Variants in EIF2AK3 observed in about 807,000 individuals in gnomAD.
The protein encoded by EIF2AK3 is eukaryotic translation initiation factor 2 alpha kinase 3, also known as eukaryotic translation initiation factor 2-alpha kinase 3.
In EIF2AK3, 50 loss-of-function variants were observed where a neutral mutation model predicts 113.5. That is an observed-to-expected ratio of 0.44 (90% CI 0.35 to 0.56). The LOEUF is 0.56. Ranked by LOEUF, EIF2AK3 falls within the 20% of genes least tolerant of loss-of-function variation. EIF2AK3 has a pLI of 0.00. For synonymous variants in EIF2AK3, 448 were observed against 495.4 expected, an observed-to-expected ratio of 0.90 and a Z score of 1.27; for missense variants, 1,185 against 1,378.0, an observed-to-expected ratio of 0.86 and a Z score of 2.22.
At chr2:88,594,998 A>T (rs577084791) in intron 3 of EIF2AK3, among the ~76,000 whole-genome samples, 1 of 152,048 alleles carries the variant, frequency 6.6e-6, no homozygotes, top group East Asian at 1.9e-4. Context: ...GCTGGAGACC[A>T]GCCTGGCAAT....
intron 3 of EIF2AK3, among the ~76,000 whole-genome samples, chr2:88,594,640 T>C (rs1035823757): frequency 3.9e-5 from 6 of 152,138 alleles, no homozygotes; most frequent in African/African-American, 1.2e-4. Context: ...GTCAGATAGA[T>C]CTAAGTTAAA....
At chr2:88,560,357 C>T (rs1673916019) in intron 15 of EIF2AK3, among the ~76,000 whole-genome samples, 1 of 152,160 alleles carries the variant, frequency 6.6e-6, no homozygotes, top group Admixed American at 6.5e-5. Flanking sequence ...AGACACTTTT[C>T]GGATATAGGA....
chr2:88,571,178 A>T, intron 13 of EIF2AK3, 137 bp from the exon 14 acceptor site: 1 of 1,102,946 alleles, frequency 9.1e-7, no homozygotes, highest in Non-Finnish European at 1.3e-6. Context: ...AAAATGGGCT[A>T]ACAGGAAAAT....
Position 88,578,329 on chromosome 2 carries a change from T to C in EIF2AK3, c.1886+1189A>G, listed in dbSNP as rs553793989. ...TCGGGAGGGCAAGACGGGTGGATCA[T>C]TTGAGGTCAGGAGTTCGAGACCAGC... On this transcript the variant is annotated intron_variant, in intron 11 of 16. Transcript: ENST00000303236. Among the ~76,000 whole-genome samples the C allele has an allele frequency of 7.2e-5, 11 of 151,992 alleles. No homozygotes were observed. In the South Asian group the frequency reaches 2.1e-3, roughly 29 times the overall value.
chr2:88,577,066 C>T (rs1674481455), intron 11 of EIF2AK3, among the ~76,000 whole-genome samples: 2 of 151,846 alleles, frequency 1.3e-5, no homozygotes, highest in South Asian at 4.2e-4. Context: ...TCTCTGCAAC[C>T]TCCGCCTCCC....
chr2:88,568,081 C>G (rs531807657), intron 14 of EIF2AK3, among the ~76,000 whole-genome samples: 22 of 152,170 alleles, frequency 1.4e-4, no homozygotes, highest in Non-Finnish European at 2.6e-4. Context: ...AATAAAAATT[C>G]ACATTGCAAA....
intron 2 of EIF2AK3, among the ~76,000 whole-genome samples, chr2:88,604,618 G>A (rs1338627233): frequency 3.3e-5 from 5 of 152,250 alleles, no homozygotes; most frequent in Non-Finnish European, 7.4e-5. Context: ...GTTCTAGAAA[G>A]GCAAGAATCA....
At chr2:88,558,781 T>C (rs975573570) in intron 16 of EIF2AK3, 136 bp downstream of exon 16, 8 of 677,166 alleles carry the variant, frequency 1.2e-5, no homozygotes, top group Admixed American at 9.6e-5. Flanking sequence ...TTCTGGGCTC[T>C]TGGGAGCAGG....
At position 88,583,317 on chromosome 2, in the gene EIF2AK3, G is replaced by A. The variant is rs941362858; in HGVS notation, c.1763+113C>T. ...TACCTGAATTTATTTATTTATTGAG[G>A]GTTAAGCCTATGTTTTATTTTTCTA... On this transcript the variant is annotated intron_variant, in intron 10 of 16. Coordinates refer to ENST00000303236, the MANE Select transcript of EIF2AK3 (RefSeq NM_004836.7). 1.5e-5 allele frequency: 11 copies of A among 758,340 alleles called. No homozygotes were observed. The African/African-American group carries it at 1.8e-4, about 12-fold the overall frequency. 47.0% of individuals were successfully genotyped at this position (758,340 alleles called of 1,614,324 possible).
Position 88,626,969 on chromosome 2 carries a change from G to T in EIF2AK3, c.306C>A (p.Gly102=). The change falls in exon 1 of 17, where the codon GGC becomes GGA. Residue 102 remains glycine, a splice_region_variant and synonymous_variant. Transcript: ENST00000303236. ...PDDETELRPR[G]RSLVIISTLD... ...CCCCCGGGTCGGCAGCCCCTCACCT[G>T]CCGCGCGGTCGCAACTCTGTCTCAT... 1 of 1,608,166 alleles carries T rather than the reference G, an allele frequency of 6.2e-7. No homozygotes were observed. Among genetic ancestry groups the T allele is most frequent in the Non-Finnish European group, 8.5e-7 (1 of 1,178,478 alleles).
intron 14 of EIF2AK3, among the ~76,000 whole-genome samples, chr2:88,564,964 A>G (rs529973267): frequency 2.8e-4 from 43 of 152,258 alleles, no homozygotes; most frequent in Middle Eastern, 3.4e-3. Context: ...TGTTTTCACA[A>G]TATTTAAAAT....
chr2:88,577,382 C>T (rs1674487637), intron 11 of EIF2AK3, among the ~76,000 whole-genome samples: 1 of 151,912 alleles, frequency 6.6e-6, no homozygotes, highest in Non-Finnish European at 1.5e-5. Flanking sequence ...ATAAATGCTA[C>T]AAGCGCATCT....
intron 2 of EIF2AK3, among the ~76,000 whole-genome samples, chr2:88,599,408 A>G (rs902843535): frequency 6.6e-6 from 1 of 152,002 alleles, no homozygotes; most frequent in Non-Finnish European, 1.5e-5. Flanking sequence ...TGAAGTTGCC[A>G]TTAGAACAAA....
rs148953825 is a variant in EIF2AK3, at chr2:88,562,389, A to G, written c.2987T>C (p.Ile996Thr). 3.1e-6 allele frequency: 5 copies of G among 1,612,606 alleles called. No homozygotes were observed. Among genetic ancestry groups the G allele is most frequent in the Non-Finnish European group, 4.2e-6 (5 of 1,178,622 alleles). ...GTKLYMSPEQ[I>T]HGNSYSHKVD... ...TTTATGAGAATAGCTGTTTCCATGAATCTGAAATCCCACATAAAGAAAATT... is the reference window on the plus strand; with the variant it reads ...TTTATGAGAATAGCTGTTTCCATGAGTCTGAAATCCCACATAAAGAAAATT... Residue 996 changes from isoleucine to threonine, a missense_variant and splice_region_variant, in exon 15 of 17, where the codon ATT becomes ACT. Ile to Thr is a moderately conservative substitution (Grantham distance 89). Transcript: ENST00000303236.
chr2:88,619,728 T>C (rs1675672259), intron 1 of EIF2AK3, among the ~76,000 whole-genome samples: 1 of 152,124 alleles, frequency 6.6e-6, no homozygotes, highest in Non-Finnish European at 1.5e-5. Context: ...CCAAGGCGGA[T>C]GGATCACCTG....
intron 2 of EIF2AK3, among the ~76,000 whole-genome samples, chr2:88,604,509 C>G (rs1208154169): frequency 6.6e-6 from 1 of 152,186 alleles, no homozygotes; most frequent in African/African-American, 2.4e-5. Flanking sequence ...TCTTTGTGCT[C>G]TATCCTGCCT....
intron 1 of EIF2AK3, among the ~76,000 whole-genome samples, chr2:88,623,412 T>C (rs190568091): frequency 2.6e-4 from 40 of 152,360 alleles, no homozygotes; most frequent in Non-Finnish European, 4.1e-4. Context: ...ACATGCTTGA[T>C]ATGCAGAGTA....
Position 88,562,328 on chromosome 2 carries a change from T to C in EIF2AK3, c.3048A>G (p.Glu1016=). The C allele has an allele frequency of 6.2e-7, 1 of 1,614,128 alleles. No individual in the cohort carries two copies. The highest frequency in any genetic ancestry group is 8.5e-7 in the Non-Finnish European group (1 of 1,179,992). Residue 1016 remains glutamate (E), a synonymous_variant, in exon 15 of 17, where the codon GAA becomes GAG. Coordinates refer to ENST00000303236, the MANE Select transcript of EIF2AK3 (RefSeq NM_004836.7). ...TCTGAGTGCTGAATGGATACAGCAATTCAAATAGAATCAGGCCTAAAGAAA... is the reference window on the plus strand; with the variant it reads ...TCTGAGTGCTGAATGGATACAGCAACTCAAATAGAATCAGGCCTAAAGAAA... ...DIFSLGLILF[E]LLYPFSTQME...
Position 88,569,093 on chromosome 2 carries a change from G to A in EIF2AK3, c.2985+1781C>T, listed in dbSNP as rs374727477. ...TTTACAAGAGACGGGGTTTCACCAT[G>A]TTGGCCATGCTGGTCTCGAACTCCT... On this transcript the variant is annotated intron_variant, in intron 14 of 16. Coordinates refer to ENST00000303236, the MANE Select transcript of EIF2AK3 (RefSeq NM_004836.7). Among the ~76,000 whole-genome samples, 41 of 152,260 alleles carry A rather than the reference G, an allele frequency of 2.7e-4. No individual in the cohort carries two copies. The South Asian group carries it at 7.5e-3, about 28-fold the overall frequency.
Sources: gnomAD v4.1 joint callset for allele counts (sites outside exome capture counted in the v4.1 genomes callset) on GRCh38, gnomAD v4.1.1 for gene constraint, MANE v1.5 for transcripts, NCBI Gene and HGNC (gene_info 2026-07-23, HGNC 2026-07-21) for gene names.